Variants in ADGRB3 observed in about 807,000 individuals in gnomAD.
ADGRB3 encodes adhesion G protein-coupled receptor B3, also known as brain-specific angiogenesis inhibitor 3.
In ADGRB3, 37 loss-of-function variants were observed where a neutral mutation model predicts 193.4. That is an observed-to-expected ratio of 0.19 (90% CI 0.15 to 0.25). The LOEUF (loss-of-function observed/expected upper bound fraction) is 0.25. ADGRB3 is among the 10% of genes least tolerant of loss of function. The probability of loss-of-function intolerance (pLI) is 1.00; values close to 1 mark genes in which losing one functional copy is unlikely to be tolerated. For synonymous variants in ADGRB3, 690 were observed against 644.2 expected (o/e 1.07, Z -1.08); for missense variants, 1,637 against 1,852.9 (o/e 0.88, Z 2.14).
intron 3 of ADGRB3, among the ~76,000 whole-genome samples, chr6:68,692,824 T>C (rs1212342654): frequency 1.3e-5 from 2 of 151,274 alleles, no homozygotes; most frequent in South Asian, 4.2e-4. Context: ...AATGGACATA[T>C]AGAGAGGCAG....
At chr6:68,978,566 CTCA>C (rs1768817630) in intron 10 of ADGRB3, among the ~76,000 whole-genome samples, 1 of 151,368 alleles carries the variant, frequency 6.6e-6, no homozygotes, top group Admixed American at 6.6e-5. Flanking sequence ...ACACATCAGC[CTCA>C]TCATCCACAC....
At chr6:69,140,345 G>C (rs942788615) in intron 17 of ADGRB3, among the ~76,000 whole-genome samples, 1 of 152,172 alleles carries the variant, frequency 6.6e-6, no homozygotes, top group Non-Finnish European at 1.5e-5. Context: ...GACATGTATA[G>C]AACCATAAGT....
At chr6:68,949,475 G>A (rs899401789) in intron 6 of ADGRB3, among the ~76,000 whole-genome samples, 2 of 152,162 alleles carry the variant, frequency 1.3e-5, no homozygotes, top group Non-Finnish European at 2.9e-5. Flanking sequence ...TAGAGCGAGA[G>A]GCTTCAGTCT....
At chr6:68,944,774 C>A (rs368987816) in intron 6 of ADGRB3, among the ~76,000 whole-genome samples, 6 of 152,134 alleles carry the variant, frequency 3.9e-5, no homozygotes, top group African/African-American at 1.2e-4. Flanking sequence ...AAAATACACA[C>A]ACATAGATGA....
At chr6:68,793,466 T>A (rs1767147687) in intron 3 of ADGRB3, among the ~76,000 whole-genome samples, 1 of 152,200 alleles carries the variant, frequency 6.6e-6, no homozygotes, top group Non-Finnish European at 1.5e-5. Flanking sequence ...TTTGTCTTTG[T>A]GGATGAACTT....
chr6:68,694,529 C>T (rs1765126137), intron 3 of ADGRB3, among the ~76,000 whole-genome samples: 1 of 151,786 alleles, frequency 6.6e-6, no homozygotes, highest in African/African-American at 2.4e-5. Context: ...TTTTTTTAGT[C>T]TTCTGACTAC....
At chr6:68,742,616 A>G (rs1362101080) in intron 3 of ADGRB3, among the ~76,000 whole-genome samples, 1 of 152,084 alleles carries the variant, frequency 6.6e-6, no homozygotes, top group Non-Finnish European at 1.5e-5. Context: ...TGCCTACCAC[A>G]TAGATTTTCT....
rs1167142377 is a variant in ADGRB3 at position 69,149,924 on chromosome 6, C to CTGTGTGTGTG, written c.2480+73928_2480+73937dup. On this transcript the variant is annotated intron_variant, in intron 17 of 31. Transcript: ENST00000370598. Reference sequence around the variant, plus strand: ...TTTATCTCTCTCTCTGTCTGTCTTTCTGTGTGTGTGTGTGTGTGTGTGTGT... The same window carrying CTGTGTGTGTG: ...TTTATCTCTCTCTCTGTCTGTCTTTCTGTGTGTGTGTGTGTGTGTGTGTGTGTGTGTGTGT... Among the ~76,000 whole-genome samples the CTGTGTGTGTG allele has an allele frequency of 2.3e-3, 300 of 128,950 alleles. 4 individuals carry two copies. Among genetic ancestry groups the CTGTGTGTGTG allele is most frequent in the African/African-American group, 6.3e-3 (210 of 33,250 alleles). 84.6% of individuals were successfully genotyped at this position (128,950 alleles called of 152,430 possible).
chr6:68,901,838 A>C (rs1469023060), intron 3 of ADGRB3, among the ~76,000 whole-genome samples: 2 of 152,222 alleles, frequency 1.3e-5, no homozygotes, highest in Admixed American at 6.5e-5. Context: ...AAAGTAAAGC[A>C]ATGTTGTCAA....
chr6:68,669,886 C>T (rs1422254427), intron 3 of ADGRB3, among the ~76,000 whole-genome samples: 1 of 151,864 alleles, frequency 6.6e-6, no homozygotes, highest in Non-Finnish European at 1.5e-5. Flanking sequence ...CATTCCCACC[C>T]ACAGTGTATG....
At chr6:68,712,922 T>G (rs555396281) in intron 3 of ADGRB3, among the ~76,000 whole-genome samples, 2 of 123,442 alleles carry the variant, frequency 1.6e-5, no homozygotes, top group African/African-American at 5.1e-5. Context: ...ATTTTTTTTA[T>G]AAATTCATTT....
chr6:68,974,979 T>C (rs1768700457), intron 9 of ADGRB3, 115 bp downstream of exon 9: 1 of 875,434 alleles, frequency 1.1e-6, no homozygotes, highest in Admixed American at 2.8e-5. Context: ...GTCTGTCCAA[T>C]AAGCAAATAA....
intron 3 of ADGRB3, among the ~76,000 whole-genome samples, chr6:68,775,017 G>C (rs569245057): frequency 6.6e-6 from 1 of 152,078 alleles, no homozygotes; most frequent in South Asian, 2.1e-4. Flanking sequence ...ACTAACCTAG[G>C]CAGGGCATAA....
chr6:69,295,615 G>A (rs1767799466), intron 20 of ADGRB3, among the ~76,000 whole-genome samples: 1 of 152,154 alleles, frequency 6.6e-6, no homozygotes, highest in African/African-American at 2.4e-5. Context: ...AGGAAGGAGA[G>A]AGTGAGAGGT....
chr6:69,257,619 A>C (rs1766810786), intron 20 of ADGRB3, among the ~76,000 whole-genome samples: 4 of 152,224 alleles, frequency 2.6e-5, no homozygotes, highest in African/African-American at 9.6e-5. Flanking sequence ...TGATAAACTC[A>C]ACTAAGAACA....
chr6:69,257,198 C>A (rs2127270676), intron 20 of ADGRB3, among the ~76,000 whole-genome samples: 1 of 152,286 alleles, frequency 6.6e-6, no homozygotes, highest in South Asian at 2.1e-4. Context: ...GCTTTGGTAT[C>A]AGAATGATGC....
chr6:68,756,004 T>C (rs1336122907), intron 3 of ADGRB3, among the ~76,000 whole-genome samples: 1 of 152,178 alleles, frequency 6.6e-6, no homozygotes, highest in Non-Finnish European at 1.5e-5. Context: ...GCTTCTGCCT[T>C]TTTCCAGGCC....
intron 3 of ADGRB3, among the ~76,000 whole-genome samples, chr6:68,860,048 G>A (rs1485422009): frequency 6.6e-6 from 1 of 151,924 alleles, no homozygotes; most frequent in Non-Finnish European, 1.5e-5. Flanking sequence ...TATATAATGA[G>A]AATACTGGCA....
chr6:68,875,374 G>C (rs1035116367), intron 3 of ADGRB3, among the ~76,000 whole-genome samples: 15 of 144,086 alleles, frequency 1.0e-4, no homozygotes, highest in African/African-American at 3.7e-4. Context: ...TGATATATTT[G>C]GTAAGGTTAA....
Sources: gnomAD v4.1 joint callset for allele counts (sites outside exome capture counted in the v4.1 genomes callset) on GRCh38, gnomAD v4.1.1 for gene constraint, MANE v1.5 for transcripts, NCBI Gene and HGNC (gene_info 2026-07-23, HGNC 2026-07-21) for gene names.